DBF4B: variants seen among roughly 807,000 people sequenced by gnomAD.
DBF4B encodes protein DBF4 homolog B.
DBF4B carries 49 observed loss-of-function variants against 53.4 expected under a neutral mutation model. The observed-to-expected ratio is 0.92, with a 90% CI of 0.73 to 1.16. The LOEUF (loss-of-function observed/expected upper bound fraction) is 1.16, where lower values mean the gene tolerates loss of function less well. Among genes scored for constraint, DBF4B ranks in the 50% most tolerant of loss-of-function variants. The pLI, the probability that DBF4B is intolerant of heterozygous loss-of-function variation, is 0.00. For missense variants in DBF4B, 692 were observed against 775.0 expected, an observed-to-expected ratio of 0.89 and a Z score of 1.27; for synonymous variants, 257 against 288.7, an observed-to-expected ratio of 0.89 and a Z score of 1.11.
chr17:44,715,848 A>T (rs1332492038), intron 2 of DBF4B, among the ~76,000 whole-genome samples: 1 of 90,764 alleles, frequency 1.1e-5, no homozygotes. Context: ...TTTGAGGCAG[A>T]GTCTTGCTCT....
intron 10 of DBF4B, among the ~76,000 whole-genome samples, chr17:44,742,754 C>T (rs1213107000): frequency 3.3e-5 from 5 of 152,150 alleles, no homozygotes; most frequent in East Asian, 1.9e-4. Context: ...CGCTGCATTA[C>T]GTGGCTCATG....
Position 44,748,330 on chromosome 17 carries a change from T to C in DBF4B, c.1065-11T>C. 1 of 1,583,136 alleles carries C rather than the reference T, an allele frequency of 6.3e-7. No homozygotes were observed. Among genetic ancestry groups the C allele is most frequent in the Non-Finnish European group, 8.6e-7 (1 of 1,164,472 alleles). ...TGAAACCTGCAGCTCACAGTGTTTC[T>C]GTCCCAACAGGTGGTCAGGTTCCCC... On this transcript the variant is annotated splice_polypyrimidine_tract_variant and intron_variant, in intron 12 of 13. Coordinates refer to ENST00000315005, the MANE Select transcript of DBF4B (RefSeq NM_145663.3).
intron 2 of DBF4B, among the ~76,000 whole-genome samples, chr17:44,717,519 C>CAACATGG (rs894919194): frequency 1.4e-4 from 21 of 151,566 alleles, no homozygotes; most frequent in African/African-American, 4.9e-4. Context: ...CCAGCCTGGC[C>CAACATGG]AACATGGTGA....
In DBF4B at chr17:44,751,568, T is replaced by A. The variant is rs138020356; in HGVS notation, c.*315T>A. ...TGGTTTCCTTCTCAGACTTGCCACC[T>A]TTCCCCTCTGCCCCAAAATGCCATG... On this transcript the variant is annotated 3_prime_UTR_variant, in exon 14 of 14. Transcript: ENST00000315005. 1.0e-4 allele frequency: 134 copies of A among 1,332,942 alleles called. 1 individual carries two copies. The African/African-American group carries it at 1.9e-3, about 19-fold the overall frequency. 82.6% of individuals were successfully genotyped at this position (1,332,942 alleles called of 1,614,324 possible).
Position 44,751,565 on chromosome 17 carries a change from ACCT to A in DBF4B, c.*313_*315del. ...TGTTGGTTTCCTTCTCAGACTTGCCACCTTTCCCCTCTGCCCCAAAATGCCATG... is the reference window on the plus strand; with the variant it reads ...TGTTGGTTTCCTTCTCAGACTTGCCATTCCCCTCTGCCCCAAAATGCCATG... On this transcript the variant is annotated 3_prime_UTR_variant, in exon 14 of 14. Transcript: ENST00000315005. The A allele has an allele frequency of 7.5e-7, 1 of 1,327,532 alleles. No homozygotes were observed. The highest frequency in any genetic ancestry group is 2.0e-5 in the South Asian group (1 of 50,290). 82.2% of individuals were successfully genotyped at this position (1,327,532 alleles called of 1,614,324 possible).
intron 2 of DBF4B, among the ~76,000 whole-genome samples, chr17:44,714,473 GTGTT>G (rs1226235645): frequency 2.0e-5 from 3 of 151,614 alleles, no homozygotes; most frequent in African/African-American, 7.3e-5. Context: ...TATGTTTTTT[GTGTT>G]TGTTTTTAAC....
intron 10 of DBF4B, among the ~76,000 whole-genome samples, chr17:44,746,576 T>G (rs1331545693): frequency 6.6e-6 from 1 of 152,060 alleles, no homozygotes; most frequent in Non-Finnish European, 1.5e-5. Flanking sequence ...CCCAGCACTT[T>G]GGGAGGCCAA....
intron 9 of DBF4B, 50 bp downstream of exon 9, chr17:44,738,474 G>C (rs911128898): frequency 1.3e-6 from 2 of 1,574,662 alleles, no homozygotes; most frequent in Admixed American, 3.5e-5. Context: ...CTGCACAGAG[G>C]AGGGAGGAGG....
rs533123524 is a variant in DBF4B, at chr17:44,751,676, C to T, written c.*423C>T. On this transcript the variant is annotated 3_prime_UTR_variant, in exon 14 of 14. Coordinates refer to ENST00000315005, the MANE Select transcript of DBF4B (RefSeq NM_145663.3). The stretch of plus-strand genomic sequence containing the variant: ...GCTCCCACCTTCTGTTCTCTGGCTC[C>T]TTCCTGCGGTCTATACCTACCGCCT... 2.1e-6 allele frequency: 3 copies of T among 1,402,426 alleles called. No individual in the cohort carries two copies. The highest frequency in any genetic ancestry group is 2.9e-5 in the Admixed American group (1 of 33,950). The allele number at this position is 1,402,426 out of a possible 1,614,324, so 86.9% of individuals were successfully genotyped here. A position where few individuals can be genotyped will look rare whatever the true frequency, so the allele number is the denominator to read the frequency against.
At chr17:44,734,017 A>G in intron 6 of DBF4B, 73 bp from the exon 7 acceptor site, 5 of 1,320,958 alleles carry the variant, frequency 3.8e-6, no homozygotes, top group African/African-American at 1.5e-5. Context: ...TTAGTCCTGC[A>G]GCCCAGGAAG....
chr17:44,725,800 G>A (rs941520260), intron 3 of DBF4B, among the ~76,000 whole-genome samples: 6 of 147,240 alleles, frequency 4.1e-5, no homozygotes, highest in Non-Finnish European at 7.4e-5. Flanking sequence ...TGATCCTCCC[G>A]CCTCAGTCTC....
intron 8 of DBF4B, among the ~76,000 whole-genome samples, chr17:44,737,074 G>A (rs777894758): frequency 2.0e-5 from 3 of 152,114 alleles, no homozygotes; most frequent in East Asian, 1.9e-4. Context: ...CTGCTGGGCC[G>A]GGGCTTCTCC....
In DBF4B at chr17:44,749,958, T is replaced by A; in HGVS notation, c.1190-637T>A. 1 of 1,006,332 alleles carries A rather than the reference T, an allele frequency of 9.9e-7. No homozygotes were observed. The highest frequency in any genetic ancestry group is 1.0e-4 in the East Asian group (1 of 10,012). The allele number at this position is 1,006,332 out of a possible 1,614,324, so 62.3% of individuals were successfully genotyped here. On this transcript the variant is annotated intron_variant, in intron 13 of 13. Coordinates refer to ENST00000315005, the MANE Select transcript of DBF4B (RefSeq NM_145663.3). This position sits in a 1 kb window ranked among gnomAD's most constrained non-coding sequence, Gnocchi z 4.4. ...AGAGGAGGGGCTTGGGCTGCACCAC[T>A]CACAGAGCTCCCTCCCCCAGGCACT... is the stretch of plus-strand genomic sequence containing the variant.
intron 13 of DBF4B, chr17:44,748,929 G>C (rs1481528380): frequency 7.8e-6 from 10 of 1,289,772 alleles, no homozygotes; most frequent in Middle Eastern, 2.1e-4. Flanking sequence ...CCTTCCCCTG[G>C]CAGCCCACAG....
rs2049282059 is a variant in DBF4B at position 44,751,807 on chromosome 17, A to G, written c.*554A>G. ...GTCATGGACAGGCTACTGGTGACCAAAGTTGGTTCCTTTTCTCCTTTCTTT... is the reference window on the plus strand; with the variant it reads ...GTCATGGACAGGCTACTGGTGACCAGAGTTGGTTCCTTTTCTCCTTTCTTT... On this transcript the variant is annotated 3_prime_UTR_variant, in exon 14 of 14. Coordinates refer to ENST00000315005, the MANE Select transcript of DBF4B (RefSeq NM_145663.3). 4 of 1,528,392 alleles carry G rather than the reference A, an allele frequency of 2.6e-6. No homozygotes were observed. Among genetic ancestry groups the G allele is most frequent in the Admixed American group, 3.9e-5 (2 of 50,698 alleles). The allele number at this position is 1,528,392 out of a possible 1,614,324, so 94.7% of individuals were successfully genotyped here.
chr17:44,732,597 G>T (rs1266277413), intron 6 of DBF4B: 1 of 236,186 alleles, frequency 4.2e-6, no homozygotes, highest in African/African-American at 2.3e-5. Flanking sequence ...GCCAGGCGAG[G>T]TGGCTCACAC....
chr17:44,710,815 AC>A (rs1972803204), intron 2 of DBF4B, among the ~76,000 whole-genome samples: 1 of 151,550 alleles, frequency 6.6e-6, no homozygotes, highest in Non-Finnish European at 1.5e-5. Context: ...TCAAGCGATC[AC>A]CCTCCTCAGC....
intron 9 of DBF4B, among the ~76,000 whole-genome samples, chr17:44,738,760 G>A (rs1478764597): frequency 1.3e-5 from 2 of 151,428 alleles, no homozygotes; most frequent in East Asian, 1.9e-4. Flanking sequence ...CCCCTTGGGT[G>A]TATGCTGACA....
Position 44,750,715 on chromosome 17 carries a change from G to T in DBF4B, c.1310G>T (p.Gly437Val). The T allele has an allele frequency of 2.5e-6, 4 of 1,614,092 alleles. No homozygotes were observed. The highest frequency in any genetic ancestry group is 1.6e-4 in the Middle Eastern group (1 of 6,062). ...ACCCTCCTGCCGGCCTTGCCCAAGG[G>T]CTCCAGGGAGCAGGGCTGCCTCTGT... ...ATTLLPALPK[G>V]SREQGCLCPC... is the part of the protein sequence containing the mutation. Residue 437 changes from glycine (G) to valine (V), a missense_variant, in exon 14 of 14, where the codon GGC becomes GTC. Transcript: ENST00000315005.
Sources: gnomAD v4.1 joint callset for allele counts (sites outside exome capture counted in the v4.1 genomes callset) on GRCh38, gnomAD v4.1.1 for gene constraint, Gnocchi (gnomAD v3.1) non-coding constraint, MANE v1.5 for transcripts, NCBI Gene and HGNC (gene_info 2026-07-23, HGNC 2026-07-21) for gene names.